The following ARHGEF10 variants were observed in gnomAD, a reference collection of about 807,000 sequenced individuals.
ARHGEF10 encodes the protein Rho guanine nucleotide exchange factor 10, also known as Rho guanine nucleotide exchange factor (GEF) 10.
ARHGEF10 carries 140 observed loss-of-function variants against 147.4 expected under a neutral mutation model. The observed-to-expected ratio is 0.95, with a 90% CI of 0.83 to 1.09. The LOEUF is 1.09. Ranked by LOEUF, ARHGEF10 falls within the 50% of genes least tolerant of loss-of-function variation. The probability of loss-of-function intolerance (pLI) is 0.00; values close to 1 mark genes in which losing one functional copy is unlikely to be tolerated. For missense variants in ARHGEF10, 2,222 were observed against 1,752.7 expected (o/e 1.27, Z -4.78); for synonymous variants, 902 against 695.8 (o/e 1.30, Z -4.67).
rs59139492 is a variant in ARHGEF10 at position 1,910,588 on chromosome 8, G to T, written c.2143+1118G>T. 4.7e-3 allele frequency among the ~76,000 whole-genome samples: 712 copies of T among 152,310 alleles called. 25 individuals are homozygous for T. In the East Asian group the frequency reaches 0.087, roughly 19 times the overall value. On this transcript the variant is annotated intron_variant, in intron 18 of 28. Transcript: ENST00000349830. ...AGATTTCCCAAAAGAGCTGTTCTGG[G>T]GGGTGGTATGGAGAGCGAGAGGGAG... is the stretch of plus-strand genomic sequence containing the variant.
Position 1,893,634 on chromosome 8 carries a change from G to A in ARHGEF10, c.1248G>A (p.Lys416=). The A allele has an allele frequency of 1.2e-6, 2 of 1,610,280 alleles. No individual in the cohort carries two copies. The highest frequency in any genetic ancestry group is 1.7e-6 in the Non-Finnish European group (2 of 1,176,634). Residue 416 remains lysine, a synonymous_variant, in exon 12 of 29, where the codon AAG becomes AAA. Coordinates refer to ENST00000349830, the MANE Select transcript of ARHGEF10 (RefSeq NM_014629.4). ...AAAAGAACTACGTAGATGCTCTTAA[G>A]AGGATTTTGGAGGTACTTAAGTGTC... ...DSEKNYVDAL[K]RILEQYEKPL...
Position 1,939,859 on chromosome 8 carries a change from G to A in ARHGEF10, c.3223-5622G>A, listed in dbSNP as rs1813937767. Among the ~76,000 whole-genome samples the A allele has an allele frequency of 2.6e-5, 4 of 152,188 alleles. No individual in the cohort carries two copies. The South Asian group carries it at 8.3e-4, about 31-fold the overall frequency. On this transcript the variant is annotated intron_variant, in intron 26 of 28. Coordinates refer to ENST00000349830, the MANE Select transcript of ARHGEF10 (RefSeq NM_014629.4). ...GTGCAGGCATCCCCATGCCGCTGAA[G>A]GTAGCCAGCAGCCTTTGACTTGACT...
At chr8:1,879,987 AT>A in intron 8 of ARHGEF10, 60 bp from the exon 9 acceptor site, 1 of 1,192,682 alleles carries the variant, frequency 8.4e-7, no homozygotes, top group Non-Finnish European at 1.3e-6. Context: ...TCAATGTAAA[AT>A]TGTCCCAAAG....
At position 1,948,629 on chromosome 8, in the gene ARHGEF10, G is replaced by A. The variant is rs367806208; in HGVS notation, c.3397+2974G>A. 1.8e-4 allele frequency among the ~76,000 whole-genome samples: 27 copies of A among 152,222 alleles called. No individual in the cohort carries two copies. The highest frequency in any genetic ancestry group is 6.0e-4 in the African/African-American group (25 of 41,536). Reference sequence around the variant, plus strand: ...TGATTCTCTGTAAGATCCTCAGTGCGGCATAGACTGAAATGGTTCTGATTT... The same window carrying A: ...TGATTCTCTGTAAGATCCTCAGTGCAGCATAGACTGAAATGGTTCTGATTT... On this transcript the variant is annotated intron_variant, in intron 27 of 28. Coordinates refer to ENST00000349830, the MANE Select transcript of ARHGEF10 (RefSeq NM_014629.4). The surrounding 1 kb of genome is among the most constrained non-coding windows in gnomAD (Gnocchi z 4.9).
chr8:1,877,536 C>T (rs1807812057), intron 8 of ARHGEF10, among the ~76,000 whole-genome samples: 1 of 152,270 alleles, frequency 6.6e-6, no homozygotes, highest in South Asian at 2.1e-4. Flanking sequence ...CCGGATGATC[C>T]TTTCTTACAG....
chr8:1,841,764 C>A (rs1281725918), intron 1 of ARHGEF10, among the ~76,000 whole-genome samples: 2 of 151,982 alleles, frequency 1.3e-5, no homozygotes, highest in African/African-American at 2.4e-5. Context: ...GCGTGTTGAG[C>A]TACTCGTGTG....
chr8:1,906,601 G>C (rs1203487040), intron 17 of ARHGEF10, among the ~76,000 whole-genome samples: 1 of 152,140 alleles, frequency 6.6e-6, no homozygotes, highest in African/African-American at 2.4e-5. Context: ...CCCAGGCAGC[G>C]AGGGTGTGCA....
At chr8:1,893,674 A>T in intron 12 of ARHGEF10, 28 bp downstream of exon 12, 1 of 1,417,338 alleles carries the variant, frequency 7.1e-7, no homozygotes. Flanking sequence ...TACATAATAC[A>T]TACATTTCTA....
chr8:1,844,150 C>T (rs1804321723), intron 2 of ARHGEF10, among the ~76,000 whole-genome samples: 1 of 152,052 alleles, frequency 6.6e-6, no homozygotes, highest in South Asian at 2.1e-4. Flanking sequence ...GGTGATGGAG[C>T]TGTGGAGGTC....
chr8:1,838,574 A>G (rs1461969635), intron 1 of ARHGEF10, among the ~76,000 whole-genome samples: 1 of 152,198 alleles, frequency 6.6e-6, no homozygotes, highest in Non-Finnish European at 1.5e-5. Flanking sequence ...AGAGCCACGC[A>G]CTCTTCAGCA....
intron 18 of ARHGEF10, among the ~76,000 whole-genome samples, chr8:1,918,497 TG>T (rs990823627): frequency 6.7e-6 from 1 of 150,004 alleles, no homozygotes; most frequent in Admixed American, 6.6e-5. Context: ...TGTGTGTGTG[TG>T]TGTGTGTTAT....
chr8:1,933,034 A>G (rs1813277296), intron 25 of ARHGEF10, among the ~76,000 whole-genome samples: 1 of 152,218 alleles, frequency 6.6e-6, no homozygotes, highest in African/African-American at 2.4e-5. Context: ...AATAATTTTT[A>G]TTGGTATTCA....
At position 1,898,763 on chromosome 8, in the gene ARHGEF10, A is replaced by C. The variant is rs551055460; in HGVS notation, c.1650+238A>C. Among the ~76,000 whole-genome samples, 52 of 152,100 alleles carry C rather than the reference A, an allele frequency of 3.4e-4. No individual in the cohort carries two copies. The East Asian group carries it at 0.01, about 30-fold the overall frequency. On this transcript the variant is annotated intron_variant, in intron 15 of 28. Transcript: ENST00000349830. The stretch of plus-strand genomic sequence containing the variant: ...AGGCCAGCCTTGGGGGACAGAGGGG[A>C]TGGGCTGCGGGGAGGGGTGTTGTGG...
Position 1,955,027 on chromosome 8 carries a change from A to G in ARHGEF10, c.3521-1722A>G, listed in dbSNP as rs143705374. Among the ~76,000 whole-genome samples the G allele has an allele frequency of 3.6e-3, 499 of 137,438 alleles. 19 individuals carry two copies. Among genetic ancestry groups the G allele is most frequent in the African/African-American group, 0.014 (473 of 34,104 alleles). 90.2% of individuals were successfully genotyped at this position (137,438 alleles called of 152,430 possible). On this transcript the variant is annotated intron_variant, in intron 28 of 28. Coordinates refer to ENST00000349830, the MANE Select transcript of ARHGEF10 (RefSeq NM_014629.4). ...CCAGGTGCTCCCTGAAAGGAGGTGC[A>G]CTCTCACTGTTTTTCTGGATGGGTA...
chr8:1,929,530 C>A (rs561774143), intron 25 of ARHGEF10, 87 bp downstream of exon 25: 1 of 1,471,728 alleles, frequency 6.8e-7, no homozygotes, highest in East Asian at 2.3e-5. Flanking sequence ...ACCTCCCCAC[C>A]GGCCTCCTGC....
intron 10 of ARHGEF10, among the ~76,000 whole-genome samples, chr8:1,885,151 C>T (rs908641228): frequency 6.6e-6 from 1 of 152,184 alleles, no homozygotes; most frequent in African/African-American, 2.4e-5. Context: ...AAGAAATATA[C>T]TAAGTGCCAC....
In ARHGEF10 at chr8:1,945,558, C is replaced by T. The variant is rs1814501768; in HGVS notation, c.3300C>T (p.Ala1100=). The change falls in exon 27 of 29, where the codon GCC becomes GCT. Residue 1100 remains alanine, a synonymous_variant. Coordinates refer to ENST00000349830, the MANE Select transcript of ARHGEF10 (RefSeq NM_014629.4). The part of the protein sequence containing the change: ...MAVSGVGIWI[A]FTSGSTLRLF... Reference sequence around the variant, plus strand: ...TGTCCGGCGTCGGGATCTGGATTGCCTTCACCTCAGGGTCCACGCTCCGCC... The same window carrying T: ...TGTCCGGCGTCGGGATCTGGATTGCTTTCACCTCAGGGTCCACGCTCCGCC... 1 of 1,614,132 alleles carries T rather than the reference C, an allele frequency of 6.2e-7. No individual in the cohort carries two copies. Among genetic ancestry groups the T allele is most frequent in the Non-Finnish European group, 8.5e-7 (1 of 1,180,056 alleles).
chr8:1,908,305 G>A (rs891355144), intron 17 of ARHGEF10, among the ~76,000 whole-genome samples: 6 of 142,020 alleles, frequency 4.2e-5, no homozygotes, highest in Admixed American at 7.5e-5. Context: ...ATCTCAGCTC[G>A]CTGCAAGCTC....
chr8:1,892,989 A>G (rs1809669797), intron 11 of ARHGEF10, among the ~76,000 whole-genome samples: 1 of 150,696 alleles, frequency 6.6e-6, no homozygotes, highest in African/African-American at 2.5e-5. Context: ...CAAACATGTC[A>G]GATTGTAGAG....
Sources: gnomAD v4.1 joint callset for allele counts (sites outside exome capture counted in the v4.1 genomes callset) on GRCh38, gnomAD v4.1.1 for gene constraint, Gnocchi (gnomAD v3.1) non-coding constraint, MANE v1.5 for transcripts, NCBI Gene and HGNC (gene_info 2026-07-23, HGNC 2026-07-21) for gene names.